Variants in DOCK3 observed in about 807,000 individuals in gnomAD.
The protein encoded by DOCK3 is dedicator of cytokinesis protein 3.
A neutral mutation model predicts 265.6 loss-of-function variants in DOCK3; 60 were observed. That is an observed-to-expected ratio of 0.23 (90% CI 0.18 to 0.28). The LOEUF is 0.28. Among genes scored for constraint, DOCK3 ranks in the 10% least tolerant of loss-of-function variants. DOCK3 has a pLI of 1.00. For missense variants in DOCK3, 1,981 were observed against 2,594.3 expected (o/e 0.76, Z 5.14); for synonymous variants, 881 against 938.0 (o/e 0.94, Z 1.11).
At chr3:51,174,440 G>T (rs1393808735) in intron 12 of DOCK3, among the ~76,000 whole-genome samples, 1 of 152,180 alleles carries the variant, frequency 6.6e-6, no homozygotes, top group East Asian at 1.9e-4. Flanking sequence ...CTCACATCCA[G>T]CCTGGGCCAC....
chr3:51,171,036 C>A (rs1370509892), intron 12 of DOCK3, among the ~76,000 whole-genome samples: 2 of 151,162 alleles, frequency 1.3e-5, no homozygotes, highest in African/African-American at 4.9e-5. Context: ...TCTTTCTCGT[C>A]TCTATTTCAT....
intron 9 of DOCK3, among the ~76,000 whole-genome samples, chr3:51,112,470 A>G (rs530704661): frequency 1.3e-5 from 2 of 152,374 alleles, no homozygotes; most frequent in East Asian, 1.9e-4. Context: ...ATTCTGCATC[A>G]TGATATGCCA....
intron 1 of DOCK3, among the ~76,000 whole-genome samples, chr3:50,740,671 T>A (rs561755200): frequency 6.6e-6 from 1 of 152,298 alleles, no homozygotes; most frequent in African/African-American, 2.4e-5. Context: ...ATTTTTTTTC[T>A]GTTTTAAAAT....
At chr3:51,310,537 T>C (rs2083011094) in intron 28 of DOCK3, among the ~76,000 whole-genome samples, 1 of 152,230 alleles carries the variant, frequency 6.6e-6, no homozygotes, top group South Asian at 2.1e-4. Context: ...ATGTGAAATA[T>C]AATATCCAGA....
intron 6 of DOCK3, among the ~76,000 whole-genome samples, chr3:51,066,214 CGG>C (rs1240177871): frequency 1.3e-5 from 2 of 151,928 alleles, no homozygotes; most frequent in African/African-American, 2.4e-5. Flanking sequence ...AAAAAAAGAA[CGG>C]GGGAAATTCT....
At chr3:50,883,702 A>G (rs1208968700) in intron 3 of DOCK3, among the ~76,000 whole-genome samples, 8 of 152,322 alleles carry the variant, frequency 5.3e-5, no homozygotes, top group African/African-American at 1.7e-4. Context: ...TGAAAATTAT[A>G]GAAATTTGTA....
chr3:50,915,253 A>G (rs139837978), intron 4 of DOCK3, among the ~76,000 whole-genome samples: 3 of 152,126 alleles, frequency 2.0e-5, no homozygotes, highest in African/African-American at 7.2e-5. Context: ...GGCATGAAGC[A>G]TCTTGTAGTA....
chr3:51,276,464 G>A (rs1412196518), intron 25 of DOCK3: 4 of 983,686 alleles, frequency 4.1e-6, no homozygotes, highest in South Asian at 9.4e-5. Context: ...TGGAGGTGAC[G>A]GTTTGGTTGT....
intron 17 of DOCK3, 42 bp downstream of exon 17, chr3:51,228,130 C>G (rs750583743): frequency 6.3e-7 from 1 of 1,585,704 alleles, no homozygotes; most frequent in African/African-American, 1.3e-5. Flanking sequence ...CCTTACCTGC[C>G]CTGAGGCCAC....
intron 12 of DOCK3, among the ~76,000 whole-genome samples, chr3:51,188,281 T>A (rs1290136114): frequency 1.3e-5 from 2 of 152,234 alleles, no homozygotes; most frequent in Admixed American, 6.5e-5. Flanking sequence ...CTAAACATTG[T>A]AAGGCTAAAA....
At chr3:50,708,635 A>G (rs2107889676) in intron 1 of DOCK3, among the ~76,000 whole-genome samples, 1 of 152,168 alleles carries the variant, frequency 6.6e-6, no homozygotes, top group South Asian at 2.1e-4. Context: ...GGCTCCTGAG[A>G]TCTCCCTCTA....
chr3:51,337,935 G>T (rs944279531), intron 35 of DOCK3, among the ~76,000 whole-genome samples: 1 of 152,190 alleles, frequency 6.6e-6, no homozygotes, highest in Admixed American at 6.5e-5. Flanking sequence ...CCTGAAGCTA[G>T]GGCCCTGAAG....
intron 2 of DOCK3, among the ~76,000 whole-genome samples, chr3:50,800,081 G>T (rs371608448): frequency 6.6e-6 from 1 of 152,112 alleles, no homozygotes; most frequent in African/African-American, 2.4e-5. Flanking sequence ...ATATGTTGTT[G>T]GCTTTGGTTT....
chr3:51,163,632 G>A (rs1298990580), intron 12 of DOCK3, among the ~76,000 whole-genome samples: 1 of 152,108 alleles, frequency 6.6e-6, no homozygotes, highest in Non-Finnish European at 1.5e-5. Context: ...AACATTGGAG[G>A]GGGTGGGTGT....
chr3:50,908,424 C>G (rs920874409), intron 4 of DOCK3, among the ~76,000 whole-genome samples: 2 of 151,942 alleles, frequency 1.3e-5, no homozygotes, highest in Non-Finnish European at 2.9e-5. Flanking sequence ...GTTACATTGT[C>G]TCTTTGTTCT....
Position 50,827,663 on chromosome 3 carries a change from CA to C in DOCK3, c.122-14010del, listed in dbSNP as rs553029225. ...CCATTGGAAGTAATGGCAAAAACCCCAATTACTTTTGCATCAACCTATAGCT... is the reference window on the plus strand; with the variant it reads ...CCATTGGAAGTAATGGCAAAAACCCCATTACTTTTGCATCAACCTATAGCT... On this transcript the variant is annotated intron_variant, in intron 2 of 52. Transcript: ENST00000266037. 2.1e-3 allele frequency among the ~76,000 whole-genome samples: 313 copies of C among 152,136 alleles called. 2 individuals carry two copies. The highest frequency in any genetic ancestry group is 3.3e-3 in the Non-Finnish European group (224 of 67,994).
Position 50,968,674 on chromosome 3 carries a change from C to T in DOCK3, c.315+34597C>T, listed in dbSNP as rs148710323. Among the ~76,000 whole-genome samples the T allele has an allele frequency of 7.6e-3, 1,159 of 152,026 alleles. 17 individuals are homozygous for T. Among genetic ancestry groups the T allele is most frequent in the African/African-American group, 0.027 (1,111 of 41,452 alleles). On this transcript the variant is annotated intron_variant, in intron 5 of 52. Coordinates refer to ENST00000266037, the MANE Select transcript of DOCK3 (RefSeq NM_004947.5). ...AAGTGATTCTCCTGCCTCAGCCTCC[C>T]GAGTAGTTGGGACAACAGGTGTGCA...
intron 14 of DOCK3, among the ~76,000 whole-genome samples, chr3:51,215,878 C>T (rs1217036941): frequency 6.6e-6 from 1 of 151,940 alleles, no homozygotes; most frequent in Non-Finnish European, 1.5e-5. Context: ...GGGGTAATGA[C>T]TGCCACAGGA....
At chr3:51,081,021 A>G (rs1204668118) in intron 7 of DOCK3, among the ~76,000 whole-genome samples, 1 of 152,088 alleles carries the variant, frequency 6.6e-6, no homozygotes, top group East Asian at 1.9e-4. Context: ...TATTTCATAT[A>G]TATCATGGGG....
Sources: gnomAD v4.1 joint callset for allele counts (sites outside exome capture counted in the v4.1 genomes callset) on GRCh38, gnomAD v4.1.1 for gene constraint, MANE v1.5 for transcripts, NCBI Gene and HGNC (gene_info 2026-07-23, HGNC 2026-07-21) for gene names.